SEC14L5: variants seen among roughly 807,000 people sequenced by gnomAD.
SEC14L5 encodes SEC14 like lipid binding 5.
A neutral mutation model predicts 84.6 loss-of-function variants in SEC14L5; 96 were observed. The observed-to-expected ratio is 1.13, with a 90% CI of 0.96 to 1.34. SEC14L5 has a LOEUF of 1.34. Among genes scored for constraint, SEC14L5 ranks in the 40% most tolerant of loss-of-function variants. The pLI is 0.00. For missense variants in SEC14L5, 1,224 were observed against 942.5 expected (o/e 1.30, Z -3.91); for synonymous variants, 546 against 383.4 (o/e 1.42, Z -4.95).
At chr16:4,988,398 G>A (rs1334549301) in intron 4 of SEC14L5, 118 bp downstream of exon 4, 56 of 1,294,000 alleles carry the variant, frequency 4.3e-5, no homozygotes, top group Non-Finnish European at 5.5e-5. Flanking sequence ...CCCTCCTGGG[G>A]CATTGTCAAG....
chr16:4,995,018 A>G (rs34874385), intron 6 of SEC14L5, among the ~76,000 whole-genome samples: 15,884 of 152,048 alleles, frequency 0.1, 1,546 homozygotes, highest in East Asian at 0.49. Flanking sequence ...GCCTCTGACC[A>G]CACAAGGTCT....
chr16:5,005,712 A>T (rs998406923), intron 11 of SEC14L5, among the ~76,000 whole-genome samples: 4 of 151,468 alleles, frequency 2.6e-5, no homozygotes, highest in Non-Finnish European at 4.4e-5. Flanking sequence ...ATACAAAAAA[A>T]AATTAGCCGG....
At chr16:4,985,223 TTTTA>T (rs1955470707) in intron 2 of SEC14L5, among the ~76,000 whole-genome samples, 1 of 152,086 alleles carries the variant, frequency 6.6e-6, no homozygotes, top group Non-Finnish European at 1.5e-5. Flanking sequence ...ATTATTATTA[TTTTA>T]TTTGTTTATT....
At chr16:4,987,779 C>A (rs1023052757) in intron 3 of SEC14L5, 73 bp downstream of exon 3, 4 of 1,203,434 alleles carry the variant, frequency 3.3e-6, no homozygotes, top group Admixed American at 6.2e-5. Flanking sequence ...GGCGCGGGAG[C>A]TGGGGACCAG....
chr16:4,963,955 G>A (rs1955162007), intron 2 of SEC14L5, among the ~76,000 whole-genome samples: 1 of 152,254 alleles, frequency 6.6e-6, no homozygotes, highest in Non-Finnish European at 1.5e-5. Context: ...CCAAAGGGCT[G>A]GGATTATAGG....
At chr16:4,999,015 C>T (rs1010004947) in intron 8 of SEC14L5, among the ~76,000 whole-genome samples, 1 of 152,154 alleles carries the variant, frequency 6.6e-6, no homozygotes, top group Non-Finnish European at 1.5e-5. Context: ...AGTTGAATGA[C>T]GCGGCTCCTG....
intron 12 of SEC14L5, among the ~76,000 whole-genome samples, chr16:5,006,470 C>T (rs2142527771): frequency 6.6e-6 from 1 of 152,306 alleles, no homozygotes; most frequent in South Asian, 2.1e-4. Flanking sequence ...CAACCCACAG[C>T]CACACAGCCT....
In SEC14L5 at chr16:5,008,608, T is replaced by G. The variant is rs1395298196; in HGVS notation, c.1760T>G (p.Val587Gly). The change falls in exon 14 of 16, where the codon GTG becomes GGG. Residue 587 changes from valine (V) to glycine (G), a missense_variant. By Grantham distance (109) the Val-to-Gly change is moderately radical (BLOSUM62 -3). Transcript: ENST00000251170. The stretch of plus-strand genomic sequence containing the variant: ...GTCCTGGGCAGGGATTACAGCCGTG[T>G]GGAGGCTCCCCTTGTCTGCCGGGAG... ...GWVLGRDYSRVEAPLVCREGE... is the reference protein window; with the variant it reads ...GWVLGRDYSRGEAPLVCREGE... 2 of 1,603,648 alleles carry G rather than the reference T, an allele frequency of 1.2e-6. No individual in the cohort carries two copies. The highest frequency in any genetic ancestry group is 2.2e-5 in the East Asian group (1 of 44,830).
chr16:4,961,764 C>G (rs556833298), intron 2 of SEC14L5, among the ~76,000 whole-genome samples: 3 of 152,118 alleles, frequency 2.0e-5, no homozygotes, highest in African/African-American at 7.2e-5. Context: ...GATGGTTTTC[C>G]ATCCTATAGT....
chr16:5,003,240 A>T (rs115411448), intron 10 of SEC14L5, among the ~76,000 whole-genome samples, 162 bp from the exon 11 acceptor site: 3,780 of 152,310 alleles, frequency 0.025, 159 homozygotes, highest in African/African-American at 0.085. Flanking sequence ...TGAAGTCCAC[A>T]GTCTGATCCT....
At chr16:4,958,492 G>GTA in intron 1 of SEC14L5, 47 bp downstream of exon 1, 1 of 152,874 alleles carries the variant, frequency 6.5e-6, no homozygotes, top group African/African-American at 2.4e-5. Context: ...CTCAGCTCCC[G>GTA]AGCCAGGCGG....
At chr16:5,006,826 A>G (rs1955737220) in intron 12 of SEC14L5, among the ~76,000 whole-genome samples, 1 of 152,010 alleles carries the variant, frequency 6.6e-6, no homozygotes. Flanking sequence ...CAGTGTTTCT[A>G]CAAGTGAAAC....
chr16:4,977,737 G>A (rs1468797030), intron 2 of SEC14L5, among the ~76,000 whole-genome samples: 1 of 151,980 alleles, frequency 6.6e-6, no homozygotes, highest in Non-Finnish European at 1.5e-5. Flanking sequence ...TCCCTTCTAG[G>A]TAAGGTCCCT....
At chr16:5,012,203 T>G (rs1955813519) in intron 15 of SEC14L5, among the ~76,000 whole-genome samples, 1 of 152,108 alleles carries the variant, frequency 6.6e-6, no homozygotes, top group Non-Finnish European at 1.5e-5. Context: ...GCTGCATGTT[T>G]TGGCCATCGG....
At chr16:4,964,891 C>A (rs902922930) in intron 2 of SEC14L5, among the ~76,000 whole-genome samples, 1 of 152,002 alleles carries the variant, frequency 6.6e-6, no homozygotes, top group East Asian at 1.9e-4. Context: ...CCACCACGCC[C>A]GGCTAATGTT....
intron 2 of SEC14L5, among the ~76,000 whole-genome samples, chr16:4,981,952 T>C (rs1231613000): frequency 1.3e-5 from 2 of 152,164 alleles, no homozygotes; most frequent in Non-Finnish European, 1.5e-5. Flanking sequence ...GTGGCTGAGA[T>C]CTACAGGGCA....
chr16:4,964,060 GA>G (rs1955163181), intron 2 of SEC14L5, among the ~76,000 whole-genome samples: 1 of 152,168 alleles, frequency 6.6e-6, no homozygotes, highest in African/African-American at 2.4e-5. Context: ...GGTAAACAGA[GA>G]AAAACAATTA....
At position 5,015,958 on chromosome 16, in the gene SEC14L5, G is replaced by A. The variant is rs1955871085; in HGVS notation, c.*988G>A. 3 of 152,260 alleles carry A rather than the reference G, an allele frequency of 2.0e-5. No homozygotes were observed. The highest frequency in any genetic ancestry group is 4.4e-5 in the Non-Finnish European group (3 of 68,050). The allele number at this position is 152,260 out of a possible 1,614,324, so 9.4% of individuals were successfully genotyped here. ...GAGGCTGTCTGTATACCCCACTGGA[G>A]ATGCCTTTCTCTCCTAGGGAACTGT... On this transcript the variant is annotated 3_prime_UTR_variant, in exon 16 of 16. Coordinates refer to ENST00000251170, the MANE Select transcript of SEC14L5 (RefSeq NM_014692.2).
At chr16:5,005,781 G>C (rs975250357) in intron 11 of SEC14L5, 133 bp from the exon 12 acceptor site, 1 of 831,716 alleles carries the variant, frequency 1.2e-6, no homozygotes, top group African/African-American at 1.8e-5. Context: ...GGAGGATGGC[G>C]TGAACCCGGG....
Sources: allele counts gnomAD v4.1 joint callset (sites outside exome capture counted in the v4.1 genomes callset), GRCh38; gene constraint gnomAD v4.1.1; transcripts MANE v1.5; gene names NCBI Gene and HGNC (gene_info 2026-07-23, HGNC 2026-07-21).